The following MDGA2 variants were observed in gnomAD, a reference collection of about 807,000 sequenced individuals.
MDGA2 encodes the protein MAM domain containing glycosylphosphatidylinositol anchor 2.
A neutral mutation model predicts 117.8 loss-of-function variants in MDGA2; 40 were observed. The observed-to-expected ratio is 0.34, with a 90% CI of 0.26 to 0.44. The LOEUF is 0.44. Among genes scored for constraint, MDGA2 ranks in the 20% least tolerant of loss-of-function variants. The pLI is 1.00. For missense variants in MDGA2, 1,123 were observed against 1,250.6 expected (o/e 0.90, Z 1.54); for synonymous variants, 452 against 439.0 (o/e 1.03, Z -0.37).
chr14:47,174,345 A>AT (rs1426286286), intron 3 of MDGA2, among the ~76,000 whole-genome samples: 2 of 151,976 alleles, frequency 1.3e-5, no homozygotes, highest in Non-Finnish European at 2.9e-5. Context: ...CAGAATATAC[A>AT]TTTTTTTCAG....
chr14:47,047,559 A>G (rs1297708442), intron 7 of MDGA2, among the ~76,000 whole-genome samples: 1 of 152,098 alleles, frequency 6.6e-6, no homozygotes, highest in Non-Finnish European at 1.5e-5. Flanking sequence ...ACGTAAAGTG[A>G]GCATAATCGT....
chr14:47,435,597 C>T (rs982922243), intron 1 of MDGA2, among the ~76,000 whole-genome samples: 2 of 152,130 alleles, frequency 1.3e-5, no homozygotes, highest in African/African-American at 2.4e-5. Flanking sequence ...CTGTGGCCTT[C>T]ATAATAATGT....
At chr14:46,848,075 G>A (rs1177050297) in intron 15 of MDGA2, among the ~76,000 whole-genome samples, 1 of 151,928 alleles carries the variant, frequency 6.6e-6, no homozygotes, top group Non-Finnish European at 1.5e-5. Flanking sequence ...ATTCCCATGG[G>A]CTTTATGTGG....
At chr14:46,943,390 A>G (rs1566537744) in intron 9 of MDGA2, among the ~76,000 whole-genome samples, 1 of 151,850 alleles carries the variant, frequency 6.6e-6, no homozygotes, top group Non-Finnish European at 1.5e-5. Context: ...ACTCATTTAC[A>G]TTTACTGTAA....
chr14:47,521,624 T>C (rs757634394), intron 1 of MDGA2, among the ~76,000 whole-genome samples: 1 of 152,154 alleles, frequency 6.6e-6, no homozygotes, highest in Non-Finnish European at 1.5e-5. Flanking sequence ...CTTCAAAATA[T>C]CTTTATGTTA....
At chr14:47,084,242 G>T (rs1890810954) in intron 6 of MDGA2, among the ~76,000 whole-genome samples, 2 of 152,160 alleles carry the variant, frequency 1.3e-5, no homozygotes, top group Admixed American at 1.3e-4. Flanking sequence ...GTGACAGAGA[G>T]ATTATAGGAA....
chr14:46,981,565 A>G (rs1345251913), intron 8 of MDGA2, among the ~76,000 whole-genome samples: 2 of 152,194 alleles, frequency 1.3e-5, no homozygotes, highest in Admixed American at 1.3e-4. Flanking sequence ...AAATATATGA[A>G]CCTTTAAATA....
chr14:47,149,017 C>G (rs993064355), intron 3 of MDGA2, among the ~76,000 whole-genome samples: 1 of 152,134 alleles, frequency 6.6e-6, no homozygotes, highest in South Asian at 2.1e-4. Context: ...TGGCTGGGCA[C>G]AGTGGATCAT....
intron 1 of MDGA2, among the ~76,000 whole-genome samples, chr14:47,365,662 G>T (rs145023612): frequency 6.6e-6 from 1 of 152,168 alleles, no homozygotes; most frequent in Non-Finnish European, 1.5e-5. Flanking sequence ...ATAGTAAATG[G>T]TAACTAATTC....
chr14:46,877,284 C>T (rs1882270646), intron 12 of MDGA2, among the ~76,000 whole-genome samples: 1 of 151,456 alleles, frequency 6.6e-6, no homozygotes, highest in African/African-American at 2.4e-5. Flanking sequence ...ATCTATAAAC[C>T]TCAATTATCA....
At chr14:47,001,169 G>A (rs138744363) in intron 8 of MDGA2, among the ~76,000 whole-genome samples, 4 of 152,030 alleles carry the variant, frequency 2.6e-5, no homozygotes, top group African/African-American at 9.6e-5. Context: ...CATTTATGCA[G>A]CCAGGTTAGG....
intron 1 of MDGA2, among the ~76,000 whole-genome samples, chr14:47,600,847 TA>T (rs1398262763): frequency 2.0e-5 from 3 of 152,110 alleles, no homozygotes; most frequent in Non-Finnish European, 2.9e-5. Flanking sequence ...ATGAAAAAAG[TA>T]ATGTTAGCCA....
intron 7 of MDGA2, among the ~76,000 whole-genome samples, chr14:47,039,913 TCACA>T (rs150173178): frequency 2.0e-5 from 3 of 151,168 alleles, no homozygotes; most frequent in African/African-American, 4.9e-5. Context: ...TGGCTCTCTC[TCACA>T]CACACACACA....
At chr14:47,568,844 TA>T (rs1332540927) in intron 1 of MDGA2, among the ~76,000 whole-genome samples, 1 of 152,194 alleles carries the variant, frequency 6.6e-6, no homozygotes, top group African/African-American at 2.4e-5. Flanking sequence ...AATTTTTTTT[TA>T]AGTTTGCACT....
intron 3 of MDGA2, among the ~76,000 whole-genome samples, chr14:47,163,982 C>T (rs1214181526): frequency 2.0e-5 from 3 of 152,198 alleles, no homozygotes; most frequent in Non-Finnish European, 2.9e-5. Flanking sequence ...TGTGCTTCTC[C>T]ATGTCATCTA....
At chr14:47,024,697 CTTTCT>C (rs1258181947) in intron 8 of MDGA2, among the ~76,000 whole-genome samples, 2 of 152,142 alleles carry the variant, frequency 1.3e-5, no homozygotes, top group Admixed American at 1.3e-4. Flanking sequence ...TATTTGACTT[CTTTCT>C]TTAAGAAAAT....
chr14:47,381,805 C>G (rs1891634909), intron 1 of MDGA2, among the ~76,000 whole-genome samples: 1 of 152,146 alleles, frequency 6.6e-6, no homozygotes, highest in African/African-American at 2.4e-5. Flanking sequence ...TTTATAGATT[C>G]AATGCCATCC....
At chr14:47,222,239 G>T (rs1259336079) in intron 2 of MDGA2, among the ~76,000 whole-genome samples, 1 of 152,010 alleles carries the variant, frequency 6.6e-6, no homozygotes, top group Non-Finnish European at 1.5e-5. Context: ...CATGGATAAA[G>T]TTGTAATGGA....
At chr14:47,398,012 C>A (rs149180699) in intron 1 of MDGA2, among the ~76,000 whole-genome samples, 4 of 152,082 alleles carry the variant, frequency 2.6e-5, no homozygotes, top group African/African-American at 9.7e-5. Context: ...CTCACAACAT[C>A]GCTTTGAGAA....
Sources: gnomAD v4.1 joint callset for allele counts (sites outside exome capture counted in the v4.1 genomes callset) on GRCh38, gnomAD v4.1.1 for gene constraint, MANE v1.5 for transcripts, NCBI Gene and HGNC (gene_info 2026-07-23, HGNC 2026-07-21) for gene names.